ERMN: variants seen among roughly 807,000 people sequenced by gnomAD.
The protein encoded by ERMN is ermin, ERM-like protein.
Under a neutral mutation model 21.4 loss-of-function variants are expected in ERMN, and 17 were observed. The ratio of observed to expected loss-of-function variants is 0.80; its 90% CI spans 0.54 to 1.19. ERMN has a LOEUF of 1.19. ERMN is among the 50% of genes most tolerant of loss of function. ERMN has a pLI of 0.00. For synonymous variants in ERMN, 115 were observed against 111.9 expected (o/e 1.03, Z -0.17); for missense variants, 348 against 331.6 (o/e 1.05, Z -0.38).
In ERMN at chr2:157,324,732, T is replaced by G. The variant is rs1317860418; in HGVS notation, c.272A>C (p.His91Pro). The change falls in exon 2 of 3, where the codon CAT (histidine) becomes CCT (proline). Residue 91 changes from histidine (H) to proline (P), a missense_variant. Physicochemically the swap from His to Pro is moderately conservative, Grantham distance 77. Transcript: ENST00000410096. ...GAGAGAAAGATCTGTGATAGCCTTA[T>G]GAACAATAAAGAGTTTCTCTTCTGG... ...ENPEEKLFIV[H>P]KAITDLSLQE... 5 of 1,613,028 alleles carry G rather than the reference T, an allele frequency of 3.1e-6. No homozygotes were observed. Among genetic ancestry groups the G allele is most frequent in the South Asian group, 2.2e-5 (2 of 90,796 alleles).
chr2:157,323,810 T>C (rs1284197852), intron 2 of ERMN, among the ~76,000 whole-genome samples: 1 of 152,196 alleles, frequency 6.6e-6, no homozygotes, highest in Non-Finnish European at 1.5e-5. Context: ...ACATAATCAC[T>C]TCAATGTTCT....
intron 2 of ERMN, among the ~76,000 whole-genome samples, chr2:157,323,037 T>C (rs558908994): frequency 2.6e-4 from 40 of 152,292 alleles, no homozygotes; most frequent in Middle Eastern, 3.4e-3. Flanking sequence ...TTTTTGAAGA[T>C]TTTATAGCTG....
chr2:157,320,996 C>T lies in ERMN; in HGVS notation c.*275G>A, dbSNP rs1683876490. 2.9e-6 allele frequency: 1 copy of T among 349,872 alleles called. No homozygotes were observed. Among genetic ancestry groups the T allele is most frequent in the African/African-American group, 2.1e-5 (1 of 47,208 alleles). 21.7% of individuals were successfully genotyped at this position (349,872 alleles called of 1,614,324 possible). A position where few individuals can be genotyped will look rare whatever the true frequency, so the allele number is the denominator to read the frequency against. On this transcript the variant is annotated 3_prime_UTR_variant, in exon 3 of 3. Coordinates refer to ENST00000410096, the MANE Select transcript of ERMN (RefSeq NM_020711.3). ...ATAGCCGAATTATGCCAGATTCCCC[C>T]AGGGGACTGACTGCTTAGTGCTTAT...
chr2:157,325,129 AC>A, intron 1 of ERMN: 1 of 598,884 alleles, frequency 1.7e-6, no homozygotes, highest in Non-Finnish European at 3.2e-6. Flanking sequence ...GCCAATACTT[AC>A]CCTAGACTTG....
In ERMN at chr2:157,319,565, A is replaced by G. The variant is rs2105182600; in HGVS notation, c.*1706T>C. 1 of 152,312 alleles carries G rather than the reference A, an allele frequency of 6.6e-6. No homozygotes were observed. The highest frequency in any genetic ancestry group is 2.4e-5 in the African/African-American group (1 of 41,574). The allele number at this position is 152,312 out of a possible 1,614,324, so 9.4% of individuals were successfully genotyped here. Reference sequence around the variant, plus strand: ...AGAAAAGAAAACAGCTTGTCCATGTAGAAAGATTAGAGGATCTAAATTAAA... The same window carrying G: ...AGAAAAGAAAACAGCTTGTCCATGTGGAAAGATTAGAGGATCTAAATTAAA... On this transcript the variant is annotated 3_prime_UTR_variant, in exon 3 of 3. Transcript: ENST00000410096.
intron 1 of ERMN, 25 bp from the exon 2 acceptor site, chr2:157,324,787 A>C: frequency 6.7e-7 from 1 of 1,484,358 alleles, no homozygotes; most frequent in Non-Finnish European, 9.3e-7. Flanking sequence ...TAAAATCAGT[A>C]TTTTAACATT....
At position 157,318,631 on chromosome 2, in the gene ERMN, T is replaced by C. The variant is rs1328337853; in HGVS notation, c.*2640A>G. 1 of 152,144 alleles carries C rather than the reference T, an allele frequency of 6.6e-6. No individual in the cohort carries two copies. Among genetic ancestry groups the C allele is most frequent in the South Asian group, 2.1e-4 (1 of 4,834 alleles). The allele number at this position is 152,144 out of a possible 1,614,324, so 9.4% of individuals were successfully genotyped here. A position where few individuals can be genotyped will look rare whatever the true frequency, so the allele number is the denominator to read the frequency against. On this transcript the variant is annotated 3_prime_UTR_variant, in exon 3 of 3. Coordinates refer to ENST00000410096, the MANE Select transcript of ERMN (RefSeq NM_020711.3). ...CCAGAAATAAAGACACAAACTTTTA[T>C]TGAGAGTAAGTCAGACACAGCAGTT...
In ERMN at chr2:157,320,013, T is replaced by C. The variant is rs773691416; in HGVS notation, c.*1258A>G. 5.0e-4 allele frequency: 76 copies of C among 152,204 alleles called. No homozygotes were observed. The highest frequency in any genetic ancestry group is 1.0e-3 in the Non-Finnish European group (69 of 68,020). 9.4% of individuals were successfully genotyped at this position (152,204 alleles called of 1,614,324 possible). A position where few individuals can be genotyped will look rare whatever the true frequency, so the allele number is the denominator to read the frequency against. ...TTCAGACAATAAGGAATTGTCTTTT[T>C]ATTTGCAGGGCAAAACAAAATCTTT... On this transcript the variant is annotated 3_prime_UTR_variant, in exon 3 of 3. Transcript: ENST00000410096.
rs1323347454 is a variant in ERMN at position 157,325,577 on chromosome 2, A to C, written c.66T>G (p.Gly22=). The C allele has an allele frequency of 1.2e-6, 2 of 1,614,028 alleles. No homozygotes were observed. The highest frequency in any genetic ancestry group is 1.7e-6 in the Non-Finnish European group (2 of 1,179,994). Residue 22 remains glycine (G), a synonymous_variant, in exon 1 of 3, where the codon GGT becomes GGG. Coordinates refer to ENST00000410096, the MANE Select transcript of ERMN (RefSeq NM_020711.3). ...ECNGDKPPEN[G]QQTITKISEE... ...CACTGATTTTAGTGATTGTTTGTTGACCGTTTTCAGGTGGTTTATCCCCAT... is the reference window on the plus strand; with the variant it reads ...CACTGATTTTAGTGATTGTTTGTTGCCCGTTTTCAGGTGGTTTATCCCCAT...
upstream of ERMN, chr2:157,325,885 TC>T: frequency 7.2e-7 from 1 of 1,394,902 alleles, no homozygotes; most frequent in Non-Finnish European, 9.3e-7. Context: ...ATCCAGCCAA[TC>T]ACCACCTTCT....
In ERMN at chr2:157,325,399, T is replaced by C; in HGVS notation, c.241+3A>G. 2 of 1,613,592 alleles carry C rather than the reference T, an allele frequency of 1.2e-6. No homozygotes were observed. Among genetic ancestry groups the C allele is most frequent in the Non-Finnish European group, 1.7e-6 (2 of 1,179,650 alleles). Reference sequence around the variant, plus strand: ...AAAATTAAGGAGAAGGGAAACACTTTACCTTTTAGCATTTTGTCCTCCATG... The same window carrying C: ...AAAATTAAGGAGAAGGGAAACACTTCACCTTTTAGCATTTTGTCCTCCATG... On this transcript the variant is annotated splice_donor_region_variant and intron_variant, in intron 1 of 2. Transcript: ENST00000410096.
intron 2 of ERMN, among the ~76,000 whole-genome samples, chr2:157,323,145 T>G (rs1683957650): frequency 6.6e-6 from 1 of 152,198 alleles, no homozygotes; most frequent in African/African-American, 2.4e-5. Context: ...GAGGGAAAAC[T>G]TAACCAGCGA....
chr2:157,320,661 T>G lies in ERMN; in HGVS notation c.*610A>C, dbSNP rs1683862382. On this transcript the variant is annotated 3_prime_UTR_variant, in exon 3 of 3. Transcript: ENST00000410096. The stretch of plus-strand genomic sequence containing the variant: ...AATTATCCTGACTGACAATTGCTCA[T>G]CTCCCTCTGAGAGAAGATTCAGTGA... 6.6e-6 allele frequency: 1 copy of G among 152,272 alleles called. No homozygotes were observed. Among genetic ancestry groups the G allele is most frequent in the African/African-American group, 2.4e-5 (1 of 41,430 alleles). The allele number at this position is 152,272 out of a possible 1,614,324, so 9.4% of individuals were successfully genotyped here. A position where few individuals can be genotyped will look rare whatever the true frequency, so the allele number is the denominator to read the frequency against.
chr2:157,326,255 G>GA (rs1392164045), upstream of ERMN, among the ~76,000 whole-genome samples: 8 of 152,146 alleles, frequency 5.3e-5, no homozygotes, highest in Admixed American at 3.3e-4. Flanking sequence ...ACAGCTTATG[G>GA]AAAAAACCTA....
At position 157,319,227 on chromosome 2, in the gene ERMN, A is replaced by G. The variant is rs557848102; in HGVS notation, c.*2044T>C. On this transcript the variant is annotated 3_prime_UTR_variant, in exon 3 of 3. Transcript: ENST00000410096. ...TGTCATCCATGAACATGAAGCATTT[A>G]CCAACTAAACATACCCTAAAATAGT... 1 of 152,320 alleles carries G rather than the reference A, an allele frequency of 6.6e-6. No individual in the cohort carries two copies. Among genetic ancestry groups the G allele is most frequent in the African/African-American group, 2.4e-5 (1 of 41,578 alleles). 9.4% of individuals were successfully genotyped at this position (152,320 alleles called of 1,614,324 possible). A position where few individuals can be genotyped will look rare whatever the true frequency, so the allele number is the denominator to read the frequency against.
rs1436469831 is a variant in ERMN, at chr2:157,319,700, T to A, written c.*1571A>T. 6.6e-6 allele frequency: 1 copy of A among 152,164 alleles called. No individual in the cohort carries two copies. The allele number at this position is 152,164 out of a possible 1,614,324, so 9.4% of individuals were successfully genotyped here. A position where few individuals can be genotyped will look rare whatever the true frequency, so the allele number is the denominator to read the frequency against. Reference sequence around the variant, plus strand: ...ATTGTAACACATGAAATCCATAGGTTGTATAGAATGAGGGTAACAGAACTT... The same window carrying A: ...ATTGTAACACATGAAATCCATAGGTAGTATAGAATGAGGGTAACAGAACTT... On this transcript the variant is annotated 3_prime_UTR_variant, in exon 3 of 3. Coordinates refer to ENST00000410096, the MANE Select transcript of ERMN (RefSeq NM_020711.3).
intron 2 of ERMN, among the ~76,000 whole-genome samples, chr2:157,322,165 C>T (rs1276159838): frequency 6.6e-6 from 1 of 151,958 alleles, no homozygotes; most frequent in East Asian, 1.9e-4. Context: ...AAATTCTTGT[C>T]TAGCCAGTCA....
intron 1 of ERMN, 34 bp from the exon 2 acceptor site, chr2:157,324,796 T>TG: frequency 2.8e-6 from 4 of 1,409,498 alleles, no homozygotes; most frequent in Non-Finnish European, 3.9e-6. Context: ...TATTTTAACA[T>TG]TTAAAATATT....
chr2:157,323,669 A>G (rs374388190), intron 2 of ERMN, among the ~76,000 whole-genome samples: 1 of 152,214 alleles, frequency 6.6e-6, no homozygotes, highest in Non-Finnish European at 1.5e-5. Flanking sequence ...GTATGGCTGC[A>G]AGAGAGGAAA....
Sources: gnomAD v4.1 joint callset for allele counts (sites outside exome capture counted in the v4.1 genomes callset) on GRCh38, gnomAD v4.1.1 for gene constraint, MANE v1.5 for transcripts, NCBI Gene and HGNC (gene_info 2026-07-23, HGNC 2026-07-21) for gene names.